Variants in AK8 observed in about 807,000 individuals in gnomAD.
The protein encoded by AK8 is adenylate kinase 8.
A neutral mutation model predicts 54.6 loss-of-function variants in AK8; 44 were observed. The ratio of observed to expected loss-of-function variants is 0.81; its 90% CI spans 0.63 to 1.04. AK8 has a LOEUF of 1.04. Among genes scored for constraint, AK8 ranks in the 50% least tolerant of loss-of-function variants. The pLI is 0.00. For synonymous variants in AK8, 239 were observed against 245.6 expected (o/e 0.97, Z 0.25); for missense variants, 555 against 613.6 (o/e 0.90, Z 1.01).
intron 5 of AK8, among the ~76,000 whole-genome samples, chr9:132,840,351 C>T (rs1842487875): frequency 6.6e-6 from 1 of 151,354 alleles, no homozygotes; most frequent in Admixed American, 6.6e-5. Context: ...CGTTTGGCAA[C>T]ATTTTGAACC....
At chr9:132,838,472 C>T (rs186045489) in intron 5 of AK8, among the ~76,000 whole-genome samples, 63 of 152,246 alleles carry the variant, frequency 4.1e-4, no homozygotes, top group Non-Finnish European at 5.1e-4. Flanking sequence ...GGGCTGGGGG[C>T]CTGACCTTGC....
At chr9:132,854,339 T>C (rs58464023) in intron 5 of AK8, among the ~76,000 whole-genome samples, 12,445 of 152,306 alleles carry the variant, frequency 0.082, 595 homozygotes, top group Admixed American at 0.13. Context: ...CAGTGCCCAG[T>C]AGACAGGTGC....
intron 10 of AK8, among the ~76,000 whole-genome samples, chr9:132,795,127 C>T (rs777017000): frequency 6.6e-5 from 10 of 152,176 alleles, no homozygotes; most frequent in Non-Finnish European, 1.3e-4. Context: ...AAGACAGAGA[C>T]CTCCAGAGAG....
At chr9:132,796,418 C>A (rs574408014) in intron 10 of AK8, among the ~76,000 whole-genome samples, 3 of 152,312 alleles carry the variant, frequency 2.0e-5, no homozygotes, top group South Asian at 4.1e-4. Context: ...ATGTACATGT[C>A]TTTTGACCCA....
chr9:132,859,256 C>T (rs1843291015), intron 4 of AK8, among the ~76,000 whole-genome samples: 1 of 151,930 alleles, frequency 6.6e-6, no homozygotes, highest in Non-Finnish European at 1.5e-5. Flanking sequence ...TGAGGGCTCA[C>T]GTTGTTTTTT....
chr9:132,792,688 G>A lies in AK8; in HGVS notation c.1067C>T (p.Pro356Leu), dbSNP rs773353352. ...CAGGTGTGCCTGGTCGAGGTCCCGCGGGACGCCGTGTAGCACCCAGCCTTT... is the reference window on the plus strand; with the variant it reads ...CAGGTGTGCCTGGTCGAGGTCCCGCAGGACGCCGTGTAGCACCCAGCCTTT... ...IQKGWVLHGVPRDLDQAHLLN... is the reference protein window; with the variant it reads ...IQKGWVLHGVLRDLDQAHLLN... Residue 356 changes from proline to leucine, a missense_variant, in exon 11 of 13, where the codon CCG becomes CTG. Physicochemically the swap from Pro to Leu is moderately conservative, Grantham distance 98 (BLOSUM62 -3). Transcript: ENST00000298545. 25 of 1,555,986 alleles carry A rather than the reference G, an allele frequency of 1.6e-5. No individual in the cohort carries two copies. Among genetic ancestry groups the A allele is most frequent in the Middle Eastern group, 2.2e-4 (1 of 4,582 alleles).
At chr9:132,726,864 A>G (rs566311745) in intron 12 of AK8, among the ~76,000 whole-genome samples, 26 of 149,160 alleles carry the variant, frequency 1.7e-4, no homozygotes, top group African/African-American at 6.4e-4. Context: ...AAATCCCTGC[A>G]CTTCCTTCCT....
intron 2 of AK8, among the ~76,000 whole-genome samples, chr9:132,867,858 A>G (rs983606239): frequency 1.3e-5 from 2 of 152,240 alleles, no homozygotes; most frequent in Non-Finnish European, 2.9e-5. Flanking sequence ...TGGTCAGGTG[A>G]GAGGAAGAGG....
At chr9:132,733,651 G>A (rs750168843) in intron 11 of AK8, among the ~76,000 whole-genome samples, 3 of 152,224 alleles carry the variant, frequency 2.0e-5, no homozygotes, top group Admixed American at 6.5e-5. Context: ...GGCTCATTGC[G>A]CCCAATGTGA....
chr9:132,841,444 A>C (rs1842543173), intron 5 of AK8, among the ~76,000 whole-genome samples: 1 of 152,250 alleles, frequency 6.6e-6, no homozygotes, highest in South Asian at 2.1e-4. Flanking sequence ...GCATCCATAC[A>C]TGAAAACATT....
chr9:132,805,496 C>T (rs1293673533), intron 10 of AK8, among the ~76,000 whole-genome samples: 1 of 152,206 alleles, frequency 6.6e-6, no homozygotes, highest in Admixed American at 6.5e-5. Flanking sequence ...TCACTTACTG[C>T]CTCAGTTTCC....
intron 1 of AK8, among the ~76,000 whole-genome samples, chr9:132,877,578 G>C (rs1193037558): frequency 2.0e-5 from 3 of 152,340 alleles, no homozygotes; most frequent in East Asian, 3.9e-4. Flanking sequence ...CTCGCCCAAA[G>C]TCACACGGTG....
chr9:132,823,692 A>G (rs1841751676), intron 8 of AK8, among the ~76,000 whole-genome samples: 1 of 152,218 alleles, frequency 6.6e-6, no homozygotes. Context: ...AGCACTCTCT[A>G]TAGGGCTGGT....
chr9:132,733,234 C>A (rs76885202), intron 11 of AK8, among the ~76,000 whole-genome samples: 1 of 151,224 alleles, frequency 6.6e-6, no homozygotes, highest in African/African-American at 2.4e-5. Flanking sequence ...AAAAAAAAAA[C>A]ATGCGAGATC....
At chr9:132,856,744 G>A (rs935546158) in intron 4 of AK8, among the ~76,000 whole-genome samples, 4 of 152,184 alleles carry the variant, frequency 2.6e-5, no homozygotes, top group Admixed American at 6.5e-5. Context: ...ATGTAAGAGC[G>A]GGAGCTGCGG....
intron 12 of AK8, 58 bp from the exon 13 acceptor site, chr9:132,725,983 A>G (rs1218187932): frequency 3.3e-6 from 5 of 1,505,104 alleles, no homozygotes; most frequent in East Asian, 4.6e-5. Flanking sequence ...CAGGGGAGAA[A>G]GGGACCCTCT....
At chr9:132,802,734 C>T (rs543234459) in intron 10 of AK8, among the ~76,000 whole-genome samples, 9 of 152,284 alleles carry the variant, frequency 5.9e-5, no homozygotes, top group African/African-American at 1.4e-4. Context: ...TGTAAATCCC[C>T]GGGTGAGCCA....
At chr9:132,733,676 G>A (rs1836968588) in intron 11 of AK8, among the ~76,000 whole-genome samples, 3 of 152,248 alleles carry the variant, frequency 2.0e-5, no homozygotes, top group Non-Finnish European at 4.4e-5. Flanking sequence ...CAGGTGGCAG[G>A]GTGCAGGGGC....
chr9:132,773,809 GAA>G (rs1482125897), intron 11 of AK8, among the ~76,000 whole-genome samples: 2 of 152,196 alleles, frequency 1.3e-5, no homozygotes, highest in African/African-American at 4.8e-5. Context: ...TGCAGGGCAA[GAA>G]GAGGCATCAG....
Sources: gnomAD v4.1 joint callset for allele counts (sites outside exome capture counted in the v4.1 genomes callset) on GRCh38, gnomAD v4.1.1 for gene constraint, MANE v1.5 for transcripts, NCBI Gene and HGNC (gene_info 2026-07-23, HGNC 2026-07-21) for gene names.